Variants in CHRM3 observed in about 807,000 individuals in gnomAD.
The protein encoded by CHRM3 is muscarinic acetylcholine receptor M3.
A neutral mutation model predicts 41.8 loss-of-function variants in CHRM3; 11 were observed. The observed-to-expected ratio is 0.26, with a 90% CI of 0.17 to 0.44. The LOEUF is 0.44. CHRM3 is among the 20% of genes least tolerant of loss of function. The probability of loss-of-function intolerance (pLI) is 1.00; values close to 1 mark genes in which losing one functional copy is unlikely to be tolerated. For missense variants in CHRM3, 571 were observed against 745.4 expected (o/e 0.77, Z 2.72); for synonymous variants, 297 against 301.4 (o/e 0.99, Z 0.15).
rs185279542 is a variant in CHRM3, at chr1:239,867,727, C to T, written c.-19-39706C>T. On this transcript the variant is annotated intron_variant, in intron 6 of 6. Transcript: ENST00000676153. ...CGTGTCCAGGTATATGATGAGATGG[C>T]GGAACTTAACATCGTACCTAGAAAA... is the stretch of plus-strand genomic sequence containing the variant. Among the ~76,000 whole-genome samples, 8 of 150,588 alleles carry T rather than the reference C, an allele frequency of 5.3e-5. No homozygotes were observed. In the South Asian group the frequency reaches 8.5e-4, roughly 16 times the overall value.
chr1:239,439,251 G>A lies in CHRM3; in HGVS notation c.-521+52024G>A, dbSNP rs142570039. Reference sequence around the variant, plus strand: ...CGATTAGAACCCCTGGAATATCCCAGGTGGTCATGTCAAGATAGTAACCAT... The same window carrying A: ...CGATTAGAACCCCTGGAATATCCCAAGTGGTCATGTCAAGATAGTAACCAT... On this transcript the variant is annotated intron_variant, in intron 1 of 6. Coordinates refer to ENST00000676153, the MANE Select transcript of CHRM3 (RefSeq NM_001375978.1). Among the ~76,000 whole-genome samples the A allele has an allele frequency of 3.3e-5, 5 of 152,274 alleles. No individual in the cohort carries two copies. In the East Asian group the frequency reaches 9.7e-4, roughly 29 times the overall value.
At chr1:239,594,623 G>A (rs1365141006) in intron 3 of CHRM3, among the ~76,000 whole-genome samples, 1 of 152,110 alleles carries the variant, frequency 6.6e-6, no homozygotes, top group Non-Finnish European at 1.5e-5. Context: ...TACATTTTGG[G>A]CCACTTCACA....
chr1:239,478,487 C>T (rs1391932594), intron 1 of CHRM3, among the ~76,000 whole-genome samples: 1 of 152,080 alleles, frequency 6.6e-6, no homozygotes, highest in Non-Finnish European at 1.5e-5. Flanking sequence ...ATTTAAATAA[C>T]TATAATAAAT....
At chr1:239,884,543 C>G (rs1372860287) in intron 6 of CHRM3, among the ~76,000 whole-genome samples, 1 of 152,200 alleles carries the variant, frequency 6.6e-6, no homozygotes, top group Non-Finnish European at 1.5e-5. Flanking sequence ...GAAATGAATA[C>G]ACTGATGCTT....
intron 6 of CHRM3, among the ~76,000 whole-genome samples, chr1:239,850,857 G>T (rs991446526): frequency 5.3e-5 from 8 of 152,274 alleles, no homozygotes; most frequent in Admixed American, 2.0e-4. Context: ...CAGCCATACA[G>T]AACTGTGAAT....
chr1:239,664,780 C>A (rs1294157227), intron 4 of CHRM3, among the ~76,000 whole-genome samples: 2 of 152,172 alleles, frequency 1.3e-5, no homozygotes, highest in African/African-American at 4.8e-5. Context: ...GTGGAGAAAT[C>A]CAGTGCCTTC....
intron 6 of CHRM3, among the ~76,000 whole-genome samples, chr1:239,856,433 G>C (rs2149249535): frequency 6.6e-6 from 1 of 151,856 alleles, no homozygotes; most frequent in East Asian, 1.9e-4. Context: ...CCCTTTTCAT[G>C]CTCTCTCTCT....
chr1:239,766,652 A>T (rs1299753252), intron 5 of CHRM3, among the ~76,000 whole-genome samples: 2 of 149,212 alleles, frequency 1.3e-5, no homozygotes, highest in South Asian at 4.3e-4. Context: ...ATAGATATAG[A>T]TGATAGATAT....
At chr1:239,391,846 G>A (rs1323071775) in intron 1 of CHRM3, among the ~76,000 whole-genome samples, 1 of 152,110 alleles carries the variant, frequency 6.6e-6, no homozygotes, top group Admixed American at 6.5e-5. Context: ...ATGCCTTGTG[G>A]GCTTTGAGAC....
intron 5 of CHRM3, chr1:239,705,215 CAT>C: frequency 6.6e-6 from 1 of 152,162 alleles, no homozygotes; most frequent in Admixed American, 6.5e-5. Context: ...TCAAAAAAAA[CAT>C]ATGAAAAGAA....
intron 1 of CHRM3, among the ~76,000 whole-genome samples, chr1:239,448,509 A>G (rs1293483404): frequency 6.6e-6 from 1 of 152,184 alleles, no homozygotes; most frequent in South Asian, 2.1e-4. Context: ...TGTAATATTT[A>G]TTATGAGGTT....
At chr1:239,700,887 C>T (rs1174049771) in intron 5 of CHRM3, among the ~76,000 whole-genome samples, 2 of 151,986 alleles carry the variant, frequency 1.3e-5, no homozygotes, top group Non-Finnish European at 1.5e-5. Context: ...CCTGAATGTG[C>T]CTGATCTCAT....
In CHRM3 at chr1:239,518,113, A is replaced by G. The variant is rs558042546; in HGVS notation, c.-422+25306A>G. Among the ~76,000 whole-genome samples, 7 of 152,328 alleles carry G rather than the reference A, an allele frequency of 4.6e-5. No individual in the cohort carries two copies. The South Asian group carries it at 6.2e-4, about 14-fold the overall frequency. On this transcript the variant is annotated intron_variant, in intron 2 of 6. Coordinates refer to ENST00000676153, the MANE Select transcript of CHRM3 (RefSeq NM_001375978.1). Reference sequence around the variant, plus strand: ...AGAGTGAGACTCCATCTGAAAAAACAACGACAACAACAACAACAACCACAA... The same window carrying G: ...AGAGTGAGACTCCATCTGAAAAAACGACGACAACAACAACAACAACCACAA...
At chr1:239,724,251 A>G (rs556958832) in intron 5 of CHRM3, among the ~76,000 whole-genome samples, 4 of 151,916 alleles carry the variant, frequency 2.6e-5, no homozygotes, top group Non-Finnish European at 5.9e-5. Flanking sequence ...AAATGAAGTA[A>G]GTCTAATTCT....
chr1:239,720,690 T>C (rs1662881066), intron 5 of CHRM3, among the ~76,000 whole-genome samples: 1 of 151,996 alleles, frequency 6.6e-6, no homozygotes, highest in African/African-American at 2.4e-5. Flanking sequence ...AGAGTTTTTA[T>C]ATAAAATGCA....
At chr1:239,538,269 A>G (rs986794868) in intron 2 of CHRM3, among the ~76,000 whole-genome samples, 1 of 152,156 alleles carries the variant, frequency 6.6e-6, no homozygotes, top group Non-Finnish European at 1.5e-5. Context: ...GTCTCTCTGA[A>G]ATGTATTATT....
intron 1 of CHRM3, among the ~76,000 whole-genome samples, chr1:239,415,608 A>G (rs1558206405): frequency 6.6e-6 from 1 of 152,224 alleles, no homozygotes; most frequent in Non-Finnish European, 1.5e-5. Context: ...AAAATTTAAC[A>G]TAGCTAAAGG....
intron 1 of CHRM3, among the ~76,000 whole-genome samples, chr1:239,414,250 T>A (rs1404194184): frequency 2.0e-5 from 3 of 152,198 alleles, no homozygotes; most frequent in Non-Finnish European, 2.9e-5. Context: ...ATTGAACACA[T>A]ATGCTTTGAT....
intron 6 of CHRM3, among the ~76,000 whole-genome samples, chr1:239,879,818 T>C (rs954054986): frequency 6.6e-6 from 1 of 152,336 alleles, no homozygotes; most frequent in Middle Eastern, 3.4e-3. Context: ...TCTGCTGCAA[T>C]AGAAGTCTCT....
Sources: allele counts gnomAD v4.1 joint callset (sites outside exome capture counted in the v4.1 genomes callset), GRCh38; gene constraint gnomAD v4.1.1; transcripts MANE v1.5; gene names NCBI Gene and HGNC (gene_info 2026-07-23, HGNC 2026-07-21).